Variants in MALL observed in about 807,000 individuals in gnomAD.
MALL encodes MAL-like protein.
A neutral mutation model predicts 10.3 loss-of-function variants in MALL; 2 were observed. That is an observed-to-expected ratio of 0.19 (90% confidence interval 0.08 to 0.61). The LOEUF is 0.61. MALL is among the 20% of genes least tolerant of loss of function. The pLI, the probability that MALL is intolerant of heterozygous loss-of-function variation, is 0.88. For missense variants in MALL, 39 were observed against 115.2 expected, an observed-to-expected ratio of 0.34 and a Z score of 3.03; for synonymous variants, 27 against 51.8, an observed-to-expected ratio of 0.52 and a Z score of 2.05.
chr2:110,108,578 T>C (rs1678741734), intron 1 of MALL, among the ~76,000 whole-genome samples: 2 of 151,946 alleles, frequency 1.3e-5, no homozygotes, highest in Admixed American at 1.3e-4. Flanking sequence ...CTGGCGTACC[T>C]GAGGAAGAAG....
At chr2:110,106,704 C>T (rs976214982) in intron 1 of MALL, among the ~76,000 whole-genome samples, 4 of 152,142 alleles carry the variant, frequency 2.6e-5, no homozygotes, top group Non-Finnish European at 5.9e-5. Context: ...ACCCAGCAAT[C>T]ATACGGGGGC....
chr2:110,115,752 G>A lies in MALL; in HGVS notation c.41C>T (p.Ser14Phe), dbSNP rs750145205. 1.0e-5 allele frequency: 13 copies of A among 1,290,638 alleles called. No individual in the cohort carries two copies. Among genetic ancestry groups the A allele is most frequent in the Non-Finnish European group, 9.9e-7 (1 of 1,011,820 alleles). 79.9% of individuals were successfully genotyped at this position (1,290,638 alleles called of 1,614,324 possible). A position where few individuals can be genotyped will look rare whatever the true frequency, so the allele number is the denominator to read the frequency against. The change falls in exon 1 of 4, where the codon TCC (serine) becomes TTC (phenylalanine). Residue 14 changes from serine to phenylalanine, a missense_variant. Ser to Phe is a radical substitution (Grantham distance 155). This residue lies in a region of MALL where 39 missense variants were observed against 48.0 expected (regional missense o/e 0.81). Transcript: ENST00000272462. Reference sequence around the variant, plus strand: ...CAGCGCGACCCCCGAGGGCACGTCGGACGGGGCGTAGCTGGTGGCGGGCGG... The same window carrying A: ...CAGCGCGACCCCCGAGGGCACGTCGAACGGGGCGTAGCTGGTGGCGGGCGG... ...PDPPATSYAPSDVPSGVALFL... is the reference protein window; with the variant it reads ...PDPPATSYAPFDVPSGVALFL...
At chr2:110,111,271 G>T (rs900010945) in intron 1 of MALL, among the ~76,000 whole-genome samples, 2 of 152,148 alleles carry the variant, frequency 1.3e-5, no homozygotes, top group Non-Finnish European at 2.9e-5. Context: ...TAAAGAGGAA[G>T]TCAAACTGTC....
intron 1 of MALL, among the ~76,000 whole-genome samples, chr2:110,102,371 T>G (rs1433511137): frequency 2.0e-5 from 3 of 152,046 alleles, no homozygotes. Flanking sequence ...TGTCATTGTC[T>G]CTCTTTTCTC....
chr2:110,100,663 C>T (rs1678545166), intron 1 of MALL, among the ~76,000 whole-genome samples: 1 of 152,158 alleles, frequency 6.6e-6, no homozygotes, highest in African/African-American at 2.4e-5. Flanking sequence ...AGCCCTTGCT[C>T]CAGCGTGCCT....
chr2:110,108,064 A>T (rs1430034582), intron 1 of MALL, among the ~76,000 whole-genome samples: 1 of 152,158 alleles, frequency 6.6e-6, no homozygotes, highest in Non-Finnish European at 1.5e-5. Context: ...CTTCACTCTG[A>T]CAGAGCCTAT....
At chr2:110,107,216 C>T (rs1678715738) in intron 1 of MALL, among the ~76,000 whole-genome samples, 1 of 152,138 alleles carries the variant, frequency 6.6e-6, no homozygotes, top group Admixed American at 6.5e-5. Flanking sequence ...CCAAGGGCAG[C>T]TTCTGGGCTC....
At chr2:110,101,633 T>G (rs1353496645) in intron 1 of MALL, among the ~76,000 whole-genome samples, 1 of 152,070 alleles carries the variant, frequency 6.6e-6, no homozygotes, top group Non-Finnish European at 1.5e-5. Context: ...TGGCAGGAAG[T>G]GCAGTCTGGG....
rs192245004 is a variant in MALL, at chr2:110,110,194, G to A, written c.105+5494C>T. 4.8e-4 allele frequency among the ~76,000 whole-genome samples: 73 copies of A among 151,920 alleles called. 2 individuals are homozygous for A. Among genetic ancestry groups the A allele is most frequent in the Admixed American group, 2.6e-4 (4 of 15,256 alleles). ...TCAAGAACAAACCAAATCCTAACCC[G>A]CAGAAGAAAGGAAATAACCAAGATC... On this transcript the variant is annotated intron_variant, in intron 1 of 3. Transcript: ENST00000272462.
chr2:110,115,883 G>A, upstream of MALL: 3 of 453,508 alleles, frequency 6.6e-6, no homozygotes, highest in Non-Finnish European at 7.0e-6. Flanking sequence ...ATCGGACGTC[G>A]CCTGGGAGGG....
intron 1 of MALL, among the ~76,000 whole-genome samples, chr2:110,100,437 T>G (rs1245419481): frequency 2.6e-5 from 4 of 151,400 alleles, no homozygotes; most frequent in African/African-American, 9.7e-5. Flanking sequence ...TGTACCACTG[T>G]ACTCCAGCCT....
At chr2:110,102,782 G>A (rs1464408282) in intron 1 of MALL, among the ~76,000 whole-genome samples, 2 of 152,082 alleles carry the variant, frequency 1.3e-5, no homozygotes, top group Non-Finnish European at 2.9e-5. Context: ...GGATTCCCTG[G>A]GAAGGCTTTT....
At chr2:110,104,347 T>C (rs756816355) in intron 1 of MALL, among the ~76,000 whole-genome samples, 2 of 152,160 alleles carry the variant, frequency 1.3e-5, no homozygotes, top group African/African-American at 2.4e-5. Context: ...CTATCATGGT[T>C]TCTGTTTCCT....
upstream of MALL, among the ~76,000 whole-genome samples, chr2:110,116,837 C>T (rs1366200084): frequency 6.6e-6 from 1 of 152,172 alleles, no homozygotes; most frequent in African/African-American, 2.4e-5. Context: ...TCCCTTCTTC[C>T]TGCCCCCTGC....
chr2:110,115,597 TG>T, intron 1 of MALL, 90 bp downstream of exon 1: 1 of 616,476 alleles, frequency 1.6e-6, no homozygotes, highest in Non-Finnish European at 2.4e-6. Context: ...CGGTCCGGTC[TG>T]GGTCTCTCTC....
chr2:110,110,651 T>C lies in MALL; in HGVS notation c.105+5037A>G, dbSNP rs767047157. 3.7e-4 allele frequency among the ~76,000 whole-genome samples: 56 copies of C among 152,152 alleles called. 1 individual carries two copies. Among genetic ancestry groups the C allele is most frequent in the Non-Finnish European group, 1.0e-4 (7 of 68,024 alleles). On this transcript the variant is annotated intron_variant, in intron 1 of 3. Coordinates refer to ENST00000272462, the MANE Select transcript of MALL (RefSeq NM_005434.5). ...TTCTACCAGACATTCAAAGAAGAAT[T>C]GGTACCAATCCTTTTGACATTATTC... is the stretch of plus-strand genomic sequence containing the variant.
At chr2:110,098,028 T>C (rs1202285428) in intron 1 of MALL, among the ~76,000 whole-genome samples, 1 of 151,910 alleles carries the variant, frequency 6.6e-6, no homozygotes, top group East Asian at 1.9e-4. Flanking sequence ...AGGAATGGGC[T>C]CTGCAAAGGA....
In MALL at chr2:110,099,231, C is replaced by T. The variant is rs561642090; in HGVS notation, c.106-7461G>A. 1.3e-4 allele frequency among the ~76,000 whole-genome samples: 20 copies of T among 152,276 alleles called. 1 individual carries two copies. The highest frequency in any genetic ancestry group is 2.4e-4 in the Non-Finnish European group (16 of 68,020). On this transcript the variant is annotated intron_variant, in intron 1 of 3. Transcript: ENST00000272462. ...AAAAGGACACCTTACAGCACGAGAA[C>T]TCAAACAGGAAGGCAGAGCGTCACC...
upstream of MALL, chr2:110,116,521 G>A (rs115923814): frequency 0.013 from 1,940 of 152,506 alleles, 17 homozygotes; most frequent in Non-Finnish European, 0.022. Flanking sequence ...GGACCACACC[G>A]GCAGGCACCA....
Sources: gnomAD v4.1 joint callset for allele counts (sites outside exome capture counted in the v4.1 genomes callset) on GRCh38, gnomAD v4.1.1 for gene constraint, gnomAD v4.1.1 regional missense constraint, MANE v1.5 for transcripts, NCBI Gene and HGNC (gene_info 2026-07-23, HGNC 2026-07-21) for gene names.